The following LRRC4C variants were observed in gnomAD, a reference collection of about 807,000 sequenced individuals.
LRRC4C encodes the protein leucine-rich repeat-containing protein 4C.
LRRC4C carries 5 observed loss-of-function variants against 33.6 expected under a neutral mutation model. The ratio of observed to expected loss-of-function variants is 0.15; its 90% CI spans 0.08 to 0.31. LRRC4C has a LOEUF of 0.31. Ranked by LOEUF, LRRC4C falls within the 10% of genes least tolerant of loss-of-function variation. The probability of loss-of-function intolerance (pLI) is 1.00; values close to 1 mark genes in which losing one functional copy is unlikely to be tolerated. For synonymous variants in LRRC4C, 329 were observed against 302.0 expected (o/e 1.09, Z -0.93); for missense variants, 560 against 796.7 (o/e 0.70, Z 3.58).
chr11:40,769,533 G>C (rs1418150378), intron 2 of LRRC4C, among the ~76,000 whole-genome samples: 2 of 151,990 alleles, frequency 1.3e-5, no homozygotes, highest in Non-Finnish European at 2.9e-5. Context: ...ATCATCCTAA[G>C]CAAAAGGAAC....
chr11:41,193,164 T>G (rs1415318328), intron 1 of LRRC4C, among the ~76,000 whole-genome samples: 1 of 152,106 alleles, frequency 6.6e-6, no homozygotes, highest in African/African-American at 2.4e-5. Flanking sequence ...CAAGAAGGTA[T>G]GGATGATGAG....
chr11:40,321,056 C>T (rs1225469436), intron 3 of LRRC4C, among the ~76,000 whole-genome samples: 1 of 152,134 alleles, frequency 6.6e-6, no homozygotes, highest in Non-Finnish European at 1.5e-5. Context: ...TCTTTGGAGT[C>T]TAATGACCAG....
chr11:40,823,625 G>C lies in LRRC4C; in HGVS notation c.-407+110010C>G, dbSNP rs546756514. Among the ~76,000 whole-genome samples the C allele has an allele frequency of 5.3e-4, 81 of 151,748 alleles. 1 individual carries two copies. The highest frequency in any genetic ancestry group is 1.9e-3 in the African/African-American group (80 of 41,500). On this transcript the variant is annotated intron_variant, in intron 2 of 6. Coordinates refer to ENST00000528697, the MANE Select transcript of LRRC4C (RefSeq NM_001258419.2). ...CAGCATCTTTTATCATTAGAGAAAT[G>C]CAAATCAAAAATACAATGAAATACC...
chr11:40,884,747 C>T (rs961700819), intron 2 of LRRC4C, among the ~76,000 whole-genome samples: 1 of 151,970 alleles, frequency 6.6e-6, no homozygotes, highest in Non-Finnish European at 1.5e-5. Context: ...TACAATACTT[C>T]GCAATTTTTA....
intron 1 of LRRC4C, among the ~76,000 whole-genome samples, chr11:41,263,023 C>T (rs1051116211): frequency 1.3e-5 from 2 of 152,050 alleles, no homozygotes; most frequent in Admixed American, 1.3e-4. Flanking sequence ...CTAGTTAAAA[C>T]GACAACGACA....
chr11:40,246,396 AC>A (rs1303116616), intron 4 of LRRC4C, among the ~76,000 whole-genome samples: 23 of 152,174 alleles, frequency 1.5e-4, no homozygotes, highest in African/African-American at 5.5e-4. Flanking sequence ...CACTCTGCAG[AC>A]TTTTGATTTA....
chr11:40,588,236 T>C (rs1958856715), intron 3 of LRRC4C, among the ~76,000 whole-genome samples: 1 of 150,858 alleles, frequency 6.6e-6, no homozygotes, highest in Non-Finnish European at 1.5e-5. Context: ...TTTATCCATT[T>C]CTTCTAGATT....
chr11:40,754,792 T>C (rs544979764), intron 2 of LRRC4C, among the ~76,000 whole-genome samples: 1 of 152,148 alleles, frequency 6.6e-6, no homozygotes, highest in Non-Finnish European at 1.5e-5. Flanking sequence ...AGTTAGCTAA[T>C]GGTTTATCAT....
intron 2 of LRRC4C, among the ~76,000 whole-genome samples, chr11:40,814,167 C>T (rs1951609701): frequency 6.6e-6 from 1 of 152,180 alleles, no homozygotes; most frequent in South Asian, 2.1e-4. Flanking sequence ...TATGAGGGCT[C>T]CACTCCTGCA....
chr11:40,460,083 A>G (rs757602983), intron 3 of LRRC4C, among the ~76,000 whole-genome samples: 3 of 152,132 alleles, frequency 2.0e-5, no homozygotes, highest in Non-Finnish European at 4.4e-5. Flanking sequence ...GAGTTAGACT[A>G]TCCGGGGTAG....
At chr11:40,583,455 G>A (rs1349344653) in intron 3 of LRRC4C, among the ~76,000 whole-genome samples, 1 of 152,126 alleles carries the variant, frequency 6.6e-6, no homozygotes, top group Non-Finnish European at 1.5e-5. Context: ...TTTTCATTTT[G>A]CTCCAATCTT....
At chr11:41,093,610 A>G (rs1456484538) in intron 1 of LRRC4C, among the ~76,000 whole-genome samples, 8 of 151,930 alleles carry the variant, frequency 5.3e-5, no homozygotes, top group Admixed American at 1.3e-4. Context: ...CGTGCCATAC[A>G]GCTACACTGT....
At chr11:40,760,412 C>CAAA (rs35336371) in intron 2 of LRRC4C, among the ~76,000 whole-genome samples, 4 of 136,158 alleles carry the variant, frequency 2.9e-5, no homozygotes, top group Non-Finnish European at 3.1e-5. Flanking sequence ...GGTCCTTTAC[C>CAAA]AAAAAAAAAA....
intron 3 of LRRC4C, among the ~76,000 whole-genome samples, chr11:40,528,344 A>G (rs995104133): frequency 7.2e-5 from 11 of 152,108 alleles, no homozygotes; most frequent in African/African-American, 2.4e-4. Flanking sequence ...ACAACAACAA[A>G]TAGCCTGATT....
At chr11:40,122,773 AAC>A (rs1855918572) in intron 6 of LRRC4C, among the ~76,000 whole-genome samples, 1 of 130,590 alleles carries the variant, frequency 7.7e-6, no homozygotes, top group Non-Finnish European at 1.6e-5. Flanking sequence ...CCACCCAACA[AAC>A]ACAAATTTGT....
At chr11:40,254,497 A>T (rs1867046060) in intron 4 of LRRC4C, among the ~76,000 whole-genome samples, 1 of 152,202 alleles carries the variant, frequency 6.6e-6, no homozygotes, top group Non-Finnish European at 1.5e-5. Context: ...ATCACAGATC[A>T]ATGTTTCCAA....
chr11:40,338,218 T>A (rs1946715019), intron 3 of LRRC4C, among the ~76,000 whole-genome samples: 2 of 152,158 alleles, frequency 1.3e-5, no homozygotes, highest in Non-Finnish European at 2.9e-5. Context: ...TCAATTTATG[T>A]CTCCTAAGAA....
At chr11:40,333,888 G>C (rs1214209658) in intron 3 of LRRC4C, among the ~76,000 whole-genome samples, 1 of 151,882 alleles carries the variant, frequency 6.6e-6, no homozygotes, top group Non-Finnish European at 1.5e-5. Flanking sequence ...GTATTGTTGT[G>C]TGGAAGAGAG....
chr11:40,645,511 T>G (rs1591360872), intron 3 of LRRC4C, among the ~76,000 whole-genome samples: 1 of 152,338 alleles, frequency 6.6e-6, no homozygotes, highest in East Asian at 1.9e-4. Flanking sequence ...TAGAAAGTGC[T>G]TCCTGCTTCT....
Sources: allele counts gnomAD v4.1 joint callset (sites outside exome capture counted in the v4.1 genomes callset), GRCh38; gene constraint gnomAD v4.1.1; transcripts MANE v1.5; gene names NCBI Gene and HGNC (gene_info 2026-07-23, HGNC 2026-07-21).